Variants in ZMIZ1 observed in about 807,000 individuals in gnomAD.
ZMIZ1 encodes zinc finger MIZ-type containing 1, also known as zinc finger MIZ domain-containing protein 1.
In ZMIZ1, 17 loss-of-function variants were observed where a neutral mutation model predicts 113.9. The ratio of observed to expected loss-of-function variants is 0.15; its 90% CI spans 0.10 to 0.22. The LOEUF is 0.22. ZMIZ1 is among the 10% of genes least tolerant of loss of function. ZMIZ1 has a pLI of 1.00. For synonymous variants in ZMIZ1, 607 were observed against 603.1 expected (o/e 1.01, Z -0.09); for missense variants, 1,059 against 1,477.8 (o/e 0.72, Z 4.65).
At position 79,142,814 on chromosome 10, in the gene ZMIZ1, C is replaced by T. The variant is rs561939077; in HGVS notation, c.-131+3037C>T. Among the ~76,000 whole-genome samples the T allele has an allele frequency of 2.3e-4, 35 of 152,348 alleles. No individual in the cohort carries two copies. In the South Asian group the frequency reaches 7.3e-3, roughly 32 times the overall value. On this transcript the variant is annotated intron_variant, in intron 3 of 24. Transcript: ENST00000334512. The stretch of plus-strand genomic sequence containing the variant: ...ACCTCCCTCCTGCTTTCTGGGGCTC[C>T]TCCCCCTTGTCCAAAAACGCAGGGC...
chr10:79,172,972 C>T (rs1331991095), intron 4 of ZMIZ1, among the ~76,000 whole-genome samples: 1 of 152,174 alleles, frequency 6.6e-6, no homozygotes. Context: ...TGGGGCCAGC[C>T]AGGAGAGGAG....
At chr10:79,147,075 G>T (rs767639652) in intron 3 of ZMIZ1, among the ~76,000 whole-genome samples, 1 of 152,292 alleles carries the variant, frequency 6.6e-6, no homozygotes, top group Non-Finnish European at 1.5e-5. Flanking sequence ...CCAGGAGGCC[G>T]TGACACAGAG....
At chr10:79,217,264 A>C (rs1848771852) in intron 7 of ZMIZ1, among the ~76,000 whole-genome samples, 1 of 152,208 alleles carries the variant, frequency 6.6e-6, no homozygotes, top group South Asian at 2.1e-4. Context: ...TCTACTAAAA[A>C]TACAAAAAAA....
intron 23 of ZMIZ1, among the ~76,000 whole-genome samples, chr10:79,309,149 C>T (rs530135689): frequency 2.6e-5 from 4 of 152,326 alleles, no homozygotes; most frequent in East Asian, 1.9e-4. Flanking sequence ...CTGCCATGCC[C>T]GCAGAGACTG....
intron 2 of ZMIZ1, among the ~76,000 whole-genome samples, chr10:79,133,197 A>G (rs1589313646): frequency 6.6e-6 from 1 of 152,090 alleles, no homozygotes; most frequent in Admixed American, 6.5e-5. Context: ...GCCTTTTCAC[A>G]TGCAGGTCCT....
At chr10:79,176,642 G>C (rs1846879773) in intron 4 of ZMIZ1, among the ~76,000 whole-genome samples, 1 of 150,206 alleles carries the variant, frequency 6.7e-6, no homozygotes, top group South Asian at 2.1e-4. Context: ...GGGATAGGAG[G>C]GGCTGGCAAG....
At chr10:79,129,108 T>A (rs1844641353) in intron 2 of ZMIZ1, among the ~76,000 whole-genome samples, 1 of 152,138 alleles carries the variant, frequency 6.6e-6, no homozygotes, top group Admixed American at 6.5e-5. Flanking sequence ...ATGGTTTTTA[T>A]CAGATGCTGT....
chr10:79,243,787 C>T lies in ZMIZ1; in HGVS notation c.280+27513C>T, dbSNP rs1850021175. On this transcript the variant is annotated intron_variant, in intron 7 of 24. Transcript: ENST00000334512. ...GGCGCCTGGGCGCCCACGGGCCGGG[C>T]CCTGGGCTCCCTCCGGGCGCGGGGG... is the stretch of plus-strand genomic sequence containing the variant. 7 of 191,506 alleles carry T rather than the reference C, an allele frequency of 3.7e-5. No individual in the cohort carries two copies. In the South Asian group the frequency reaches 3.8e-4, roughly 11 times the overall value. The allele number at this position is 191,506 out of a possible 1,614,324, so 11.9% of individuals were successfully genotyped here.
At chr10:79,273,481 C>T (rs1294976669) in intron 7 of ZMIZ1, among the ~76,000 whole-genome samples, 1 of 152,230 alleles carries the variant, frequency 6.6e-6, no homozygotes, top group Non-Finnish European at 1.5e-5. Context: ...GCTCAGCCTC[C>T]CGAGTAGCTG....
chr10:79,080,983 A>T lies in ZMIZ1; in HGVS notation c.-337+11713A>T, dbSNP rs529830037. On this transcript the variant is annotated intron_variant, in intron 1 of 24. Transcript: ENST00000334512. ...CATTAGGGACCTTGGCGCCCATCTC[A>T]TCTGATGCCTGTCATACGGATGACT... Among the ~76,000 whole-genome samples the T allele has an allele frequency of 1.7e-4, 26 of 152,116 alleles. No homozygotes were observed. In the South Asian group the frequency reaches 4.4e-3, roughly 26 times the overall value.
intron 5 of ZMIZ1, 25 bp downstream of exon 5, chr10:79,201,717 C>T (rs748979915): frequency 6.8e-6 from 11 of 1,609,974 alleles, no homozygotes; most frequent in South Asian, 6.6e-5. Flanking sequence ...AGGCACACTC[C>T]GAGGGCGGGG....
At chr10:79,269,499 T>G (rs1851820415) in intron 7 of ZMIZ1, among the ~76,000 whole-genome samples, 2 of 122,564 alleles carry the variant, frequency 1.6e-5, no homozygotes, top group Non-Finnish European at 3.7e-5. Context: ...ACTTTCTCTG[T>G]TCTCCAGCAG....
At position 79,237,411 on chromosome 10, in the gene ZMIZ1, A is replaced by C. The variant is rs187494482; in HGVS notation, c.280+21137A>C. On this transcript the variant is annotated intron_variant, in intron 7 of 24. Transcript: ENST00000334512. ...AGGCTGCCATAACAAAGTGCCACACAGCGGGTGGCTTACACAATAGCGATT... is the reference window on the plus strand; with the variant it reads ...AGGCTGCCATAACAAAGTGCCACACCGCGGGTGGCTTACACAATAGCGATT... 7.6e-4 allele frequency among the ~76,000 whole-genome samples: 116 copies of C among 152,340 alleles called. 1 individual carries two copies. The highest frequency in any genetic ancestry group is 1.6e-3 in the Admixed American group (25 of 15,310).
chr10:79,203,880 CCCCGGCA>C (rs1323969891), intron 5 of ZMIZ1, among the ~76,000 whole-genome samples: 1 of 152,260 alleles, frequency 6.6e-6, no homozygotes, highest in Non-Finnish European at 1.5e-5. Context: ...CCCTCACCTG[CCCCGGCA>C]CACACATGCG....
At chr10:79,112,613 A>C (rs1843792862) in intron 1 of ZMIZ1, among the ~76,000 whole-genome samples, 1 of 152,124 alleles carries the variant, frequency 6.6e-6, no homozygotes, top group Non-Finnish European at 1.5e-5. Context: ...AGGCCCAGAG[A>C]GGGGAAGGTT....
At chr10:79,265,122 G>A (rs1185460524) in intron 7 of ZMIZ1, among the ~76,000 whole-genome samples, 1 of 152,208 alleles carries the variant, frequency 6.6e-6, no homozygotes, top group Non-Finnish European at 1.5e-5. Context: ...ACGCCTCGAG[G>A]CTCCCAGTTC....
chr10:79,210,364 G>C (rs1848483523), intron 6 of ZMIZ1, among the ~76,000 whole-genome samples: 1 of 152,222 alleles, frequency 6.6e-6, no homozygotes. Flanking sequence ...AACATTCACT[G>C]GGCTCTTGTT....
chr10:79,152,657 T>A (rs1054076004), intron 3 of ZMIZ1, among the ~76,000 whole-genome samples: 18 of 152,240 alleles, frequency 1.2e-4, no homozygotes, highest in Admixed American at 9.2e-4. Flanking sequence ...CACTGTGGGC[T>A]GGTGCATGGG....
Position 79,314,313 on chromosome 10 carries a change from G to A in ZMIZ1, c.*1564G>A, listed in dbSNP as rs1218714614. The A allele has an allele frequency of 4.4e-5, 20 of 453,018 alleles. No homozygotes were observed. The highest frequency in any genetic ancestry group is 6.6e-4 in the Middle Eastern group (2 of 3,018). 28.1% of individuals were successfully genotyped at this position (453,018 alleles called of 1,614,324 possible). A position where few individuals can be genotyped will look rare whatever the true frequency, so the allele number is the denominator to read the frequency against. ...TCTGTAAATTCTTTGCGCCCTTCCCGGCTGCTGCCTGGGGCCCTTTCCTGC... is the reference window on the plus strand; with the variant it reads ...TCTGTAAATTCTTTGCGCCCTTCCCAGCTGCTGCCTGGGGCCCTTTCCTGC... On this transcript the variant is annotated 3_prime_UTR_variant, in exon 25 of 25. Coordinates refer to ENST00000334512, the MANE Select transcript of ZMIZ1 (RefSeq NM_020338.4).
Sources: gnomAD v4.1 joint callset for allele counts (sites outside exome capture counted in the v4.1 genomes callset) on GRCh38, gnomAD v4.1.1 for gene constraint, MANE v1.5 for transcripts, NCBI Gene and HGNC (gene_info 2026-07-23, HGNC 2026-07-21) for gene names.